HYCC1: variants seen among roughly 807,000 people sequenced by gnomAD.
HYCC1 encodes hyccin PI4KA lipid kinase complex subunit 1.
At chr7:22,969,558 T>C in the HYCC1 span, among the ~76,000 whole-genome samples, 4 of 150,982 alleles carry the variant, frequency 2.6e-5, no homozygotes, top group African/African-American at 9.8e-5. Context: ...TCTCACTCTG[T>C]CGCCCAGGCT....
the HYCC1 span, chr7:22,977,388 A>G: frequency 5.0e-6 from 8 of 1,596,020 alleles, no homozygotes; most frequent in African/African-American, 8.1e-5. Flanking sequence ...GTAAAACTCA[A>G]TACTTTGGTA....
At chr7:23,006,959 G>A in the HYCC1 span, among the ~76,000 whole-genome samples, 1 of 152,108 alleles carries the variant, frequency 6.6e-6, no homozygotes, top group South Asian at 2.1e-4. Flanking sequence ...TTCTTACAAG[G>A]TACAAACAAG....
chr7:22,957,210 T>C, the HYCC1 span, among the ~76,000 whole-genome samples: 1 of 151,738 alleles, frequency 6.6e-6, no homozygotes, highest in Non-Finnish European at 1.5e-5. Context: ...ATTTGTCGGC[T>C]GTGTAATAAT....
chr7:22,922,595 A>T, the HYCC1 span, among the ~76,000 whole-genome samples: 1 of 152,236 alleles, frequency 6.6e-6, no homozygotes, highest in African/African-American at 2.4e-5. Flanking sequence ...TCACTTTCAC[A>T]CCATTGTAAA....
chr7:22,951,595 T>C, the HYCC1 span, among the ~76,000 whole-genome samples: 26 of 151,920 alleles, frequency 1.7e-4, no homozygotes, highest in Non-Finnish European at 2.8e-4. Flanking sequence ...TCCTTTAATA[T>C]AGTCATTTTA....
chr7:23,002,986 T>C, the HYCC1 span, among the ~76,000 whole-genome samples: 1 of 152,100 alleles, frequency 6.6e-6, no homozygotes, highest in Non-Finnish European at 1.5e-5. Context: ...CTATCCAAAT[T>C]TCCTGTTCTT....
chr7:22,913,632 G>A, the HYCC1 span, among the ~76,000 whole-genome samples: 5 of 152,108 alleles, frequency 3.3e-5, no homozygotes, highest in Non-Finnish European at 7.4e-5. Flanking sequence ...TGTGACCCCT[G>A]CCCCTGCCCA....
At chr7:23,007,465 T>C in the HYCC1 span, among the ~76,000 whole-genome samples, 1 of 152,112 alleles carries the variant, frequency 6.6e-6, no homozygotes, top group African/African-American at 2.4e-5. Flanking sequence ...GCAAAATACT[T>C]AGTACACAAG....
chr7:23,008,710 G>A, the HYCC1 span, among the ~76,000 whole-genome samples: 2 of 151,884 alleles, frequency 1.3e-5, no homozygotes, highest in African/African-American at 2.4e-5. Flanking sequence ...CCTAGAAAAA[G>A]TCATATATCC....
At chr7:22,902,858 T>C in the HYCC1 span, among the ~76,000 whole-genome samples, 2 of 152,118 alleles carry the variant, frequency 1.3e-5, no homozygotes, top group African/African-American at 2.4e-5. Flanking sequence ...GAGATAAACA[T>C]AGTTTCTTAG....
chr7:22,974,791 C>T, the HYCC1 span, among the ~76,000 whole-genome samples: 29,223 of 152,158 alleles, frequency 0.19, 3,393 homozygotes, highest in Non-Finnish European at 0.26. Flanking sequence ...CTCCACATGT[C>T]GTGGGAGGAA....
the HYCC1 span, among the ~76,000 whole-genome samples, chr7:23,005,907 T>C: frequency 3.1e-3 from 472 of 152,322 alleles, 2 homozygotes; most frequent in Middle Eastern, 6.8e-3. Flanking sequence ...TCCTCTCCAT[T>C]TCCCTATCAG....
the HYCC1 span, among the ~76,000 whole-genome samples, chr7:22,930,845 A>T: frequency 6.6e-6 from 1 of 152,118 alleles, no homozygotes; most frequent in African/African-American, 2.4e-5. Flanking sequence ...AAAATAAATT[A>T]ATGTGCTACC....
At chr7:22,996,034 C>G in the HYCC1 span, among the ~76,000 whole-genome samples, 2 of 152,056 alleles carry the variant, frequency 1.3e-5, no homozygotes, top group South Asian at 4.1e-4. Flanking sequence ...GTGGCTCACG[C>G]CTGTAATCCC....
chr7:22,901,221 CAAAAAAAA>C, the HYCC1 span, among the ~76,000 whole-genome samples: 1 of 21,526 alleles, frequency 4.6e-5, no homozygotes, highest in Admixed American at 8.1e-4. Flanking sequence ...GACCCTGTCT[CAAAAAAAA>C]AAAAAAAAAA....
the HYCC1 span, chr7:23,013,880 C>A: frequency 1.7e-5 from 8 of 457,356 alleles, no homozygotes; most frequent in East Asian, 4.9e-4. Context: ...TTATCCGTTG[C>A]CGGACGCCCT....
the HYCC1 span, among the ~76,000 whole-genome samples, chr7:22,921,677 G>A: frequency 9.2e-5 from 14 of 152,192 alleles, no homozygotes; most frequent in African/African-American, 3.4e-4. Flanking sequence ...ACATAGTGAG[G>A]ATTATGGGTA....
the HYCC1 span, among the ~76,000 whole-genome samples, chr7:22,929,306 A>G: frequency 6.6e-6 from 1 of 152,238 alleles, no homozygotes; most frequent in East Asian, 1.9e-4. Context: ...CTAAAACACC[A>G]AAAGCAATGG....
chr7:22,960,207 T>C, the HYCC1 span: 4 of 1,567,012 alleles, frequency 2.6e-6, no homozygotes, highest in South Asian at 4.4e-5. Flanking sequence ...CAGTGAAAAA[T>C]GTAAAAGAAT....
Sources: allele counts gnomAD v4.1 joint callset (sites outside exome capture counted in the v4.1 genomes callset), GRCh38; gene constraint gnomAD v4.1.1; transcripts MANE v1.5; gene names NCBI Gene and HGNC (gene_info 2026-07-23, HGNC 2026-07-21).